CNKSR2: variants seen among roughly 807,000 people sequenced by gnomAD.
CNKSR2 encodes the protein connector enhancer of kinase suppressor of Ras 2.
A neutral mutation model predicts 84.4 loss-of-function variants in CNKSR2; 14 were observed. The ratio of observed to expected loss-of-function variants is 0.17; its 90% CI spans 0.11 to 0.26. The LOEUF is 0.26. CNKSR2 is among the 10% of genes least tolerant of loss of function. The pLI, the probability that CNKSR2 is intolerant of heterozygous loss-of-function variation, is 1.00. For missense variants in CNKSR2, 485 were observed against 771.2 expected (o/e 0.63, Z 4.40); for synonymous variants, 275 against 277.9 (o/e 0.99, Z 0.10).
At chrX:21,408,086 A>G (rs1475869041) in intron 1 of CNKSR2, among the ~76,000 whole-genome samples, 1 of 111,975 alleles carries the variant, frequency 8.9e-6, no homozygotes, top group Non-Finnish European at 1.9e-5. Context: ...TGATCCAACT[A>G]TGCATTTTAA....
Position 21,649,016 on chromosome X carries a change from A to C in CNKSR2, c.2878A>C (p.Ser960Arg), listed in dbSNP as rs1247966308. Residue 960 changes from serine to arginine, a missense_variant, in exon 21 of 22, where the codon AGC becomes CGC. This residue lies in a region of CNKSR2 where 210 missense variants were observed against 291.5 expected (regional missense o/e 0.72). Transcript: ENST00000379510. ...EKLHRLRILK[S>R]TLKAREGEVA... ...ACTACACCGGCTGAGAATTCTCAAA[A>C]GCACTTTAAAGGTAAGACAAGAAAT... The C allele has an allele frequency of 5.1e-6, 6 of 1,186,769 alleles. No homozygotes were observed. Among genetic ancestry groups the C allele is most frequent in the Non-Finnish European group, 6.8e-6 (6 of 879,724 alleles).
chrX:21,398,251 CAA>C (rs1332414820), intron 1 of CNKSR2, among the ~76,000 whole-genome samples: 1 of 111,742 alleles, frequency 8.9e-6, no homozygotes, highest in African/African-American at 3.2e-5. Flanking sequence ...AAAATGGAAA[CAA>C]ATACATTAAT....
chrX:21,579,413 A>G (rs1277924034), intron 13 of CNKSR2, among the ~76,000 whole-genome samples: 1 of 111,644 alleles, frequency 9.0e-6, no homozygotes, highest in Non-Finnish European at 1.9e-5. Context: ...ATAAATTATC[A>G]TAAATCTAGA....
chrX:21,576,825 A>G (rs188411243), intron 13 of CNKSR2, among the ~76,000 whole-genome samples: 47 of 112,080 alleles, frequency 4.2e-4, no homozygotes, highest in African/African-American at 1.5e-3. Flanking sequence ...TTACATAACT[A>G]TTAAAGAAAT....
intron 6 of CNKSR2, among the ~76,000 whole-genome samples, chrX:21,496,156 G>A (rs2091497333): frequency 1.8e-5 from 2 of 111,443 alleles, no homozygotes; most frequent in Admixed American, 9.6e-5. Flanking sequence ...GACCACCATC[G>A]TATATATAGT....
chrX:21,433,928 T>C (rs1230580670), intron 3 of CNKSR2, among the ~76,000 whole-genome samples: 2 of 111,159 alleles, frequency 1.8e-5, no homozygotes, highest in African/African-American at 6.5e-5. Flanking sequence ...TTTTGCATTA[T>C]AACATTATTA....
At chrX:21,573,241 C>T (rs1294078101) in intron 13 of CNKSR2, among the ~76,000 whole-genome samples, 2 of 112,331 alleles carry the variant, frequency 1.8e-5, no homozygotes, top group Non-Finnish European at 3.8e-5. Context: ...TTGCAGGGTA[C>T]AGCCCCCCTC....
chrX:21,521,174 CA>C (rs1205654431), intron 9 of CNKSR2, among the ~76,000 whole-genome samples: 2 of 109,641 alleles, frequency 1.8e-5, no homozygotes, highest in Admixed American at 9.7e-5. Context: ...ACATTAGTGA[CA>C]AAAAAATTTA....
intron 11 of CNKSR2, among the ~76,000 whole-genome samples, chrX:21,533,615 A>G (rs758456680): frequency 2.6e-4 from 29 of 111,537 alleles, no homozygotes; most frequent in Non-Finnish European, 4.4e-4. Flanking sequence ...CCCTAATGCC[A>G]TCATGTGCCA....
At chrX:21,549,780 G>A (rs1292886554) in intron 11 of CNKSR2, among the ~76,000 whole-genome samples, 2 of 111,942 alleles carry the variant, frequency 1.8e-5, no homozygotes, top group Non-Finnish European at 3.8e-5. Context: ...CTACAACCAT[G>A]TGATCTTTGA....
At position 21,477,067 on chromosome X, in the gene CNKSR2, C is replaced by T. The variant is rs138224476; in HGVS notation, c.561+6260C>T. On this transcript the variant is annotated intron_variant, in intron 5 of 21. Coordinates refer to ENST00000379510, the MANE Select transcript of CNKSR2 (RefSeq NM_014927.5). ...AGTCATTTCAGAGCTTGTGCTTTAGCAGACTTCCTCTGCTTGTCCCTGCCC... is the reference window on the plus strand; with the variant it reads ...AGTCATTTCAGAGCTTGTGCTTTAGTAGACTTCCTCTGCTTGTCCCTGCCC... Among the ~76,000 whole-genome samples the T allele has an allele frequency of 6.4e-3, 718 of 111,939 alleles. 6 individuals carry two copies. The highest frequency in any genetic ancestry group is 0.014 in the Middle Eastern group (3 of 216).
intron 5 of CNKSR2, among the ~76,000 whole-genome samples, chrX:21,478,725 G>A (rs2091284789): frequency 9.0e-6 from 1 of 111,371 alleles, no homozygotes; most frequent in South Asian, 3.8e-4. Flanking sequence ...TAGCTGTAAA[G>A]AAGCTAAGTT....
intron 13 of CNKSR2, among the ~76,000 whole-genome samples, chrX:21,570,484 T>G (rs906674372): frequency 4.5e-5 from 5 of 111,980 alleles, no homozygotes; most frequent in South Asian, 3.7e-4. Context: ...TATGGCTGGT[T>G]TGATCTTCTA....
intron 4 of CNKSR2, among the ~76,000 whole-genome samples, chrX:21,469,581 A>T (rs1280382225): frequency 9.0e-6 from 1 of 111,026 alleles, no homozygotes. Flanking sequence ...ATAATAATTA[A>T]TTTTATTTTT....
Position 21,501,588 on chromosome X carries a change from G to A in CNKSR2, c.810G>A (p.Val270=). 9.0e-7 allele frequency: 1 copy of A among 1,113,846 alleles called. No homozygotes were observed. The highest frequency in any genetic ancestry group is 2.1e-5 in the South Asian group (1 of 47,665). The allele number at this position is 1,113,846 out of a possible 1,213,427, so 91.8% of individuals were successfully genotyped here. The change falls in exon 8 of 22, where the codon GTG becomes GTA. Residue 270 remains valine, a splice_region_variant and synonymous_variant. Transcript: ENST00000379510. ...DEVIQVNHQT[V]VGWQLKNLVN... ...TGATTCAAGTTAATCATCAGACTGT[G>A]GTATGTATAATTAACTTAAGAGTCA...
chrX:21,430,202 G>A (rs897145728), intron 2 of CNKSR2, among the ~76,000 whole-genome samples: 3 of 110,961 alleles, frequency 2.7e-5, no homozygotes, highest in African/African-American at 6.5e-5. Context: ...ATATTTTTAG[G>A]AGGTTTCCAA....
At chrX:21,588,087 G>A (rs1030911119) in intron 13 of CNKSR2, among the ~76,000 whole-genome samples, 15 of 111,983 alleles carry the variant, frequency 1.3e-4, no homozygotes, top group African/African-American at 4.9e-4. Context: ...TTCTGTCCAG[G>A]GAAGCCCGTT....
intron 5 of CNKSR2, among the ~76,000 whole-genome samples, chrX:21,483,205 G>T (rs1042123191): frequency 9.0e-6 from 1 of 111,385 alleles, no homozygotes; most frequent in African/African-American, 3.3e-5. Flanking sequence ...AGAAAATGTG[G>T]CATATGTACA....
chrX:21,648,838 CAGA>C lies in CNKSR2; in HGVS notation c.2701_2703del (p.Arg901del). 1.2e-6 allele frequency: 1 copy of C among 832,989 alleles called. No individual in the cohort carries two copies. The highest frequency in any genetic ancestry group is 1.6e-6 in the Non-Finnish European group (1 of 631,571). 68.6% of individuals were successfully genotyped at this position (832,989 alleles called of 1,213,427 possible). A position where few individuals can be genotyped will look rare whatever the true frequency, so the allele number is the denominator to read the frequency against. ...TTTTTTTGGATGTTGCAGGTGAAAG[CAGA>C]GAAGAAAAGTTAGGAGACTCATTGC... On this transcript the variant is annotated inframe_deletion, in exon 21 of 22. Coordinates refer to ENST00000379510, the MANE Select transcript of CNKSR2 (RefSeq NM_014927.5).
Sources: gnomAD v4.1 joint callset for allele counts (sites outside exome capture counted in the v4.1 genomes callset) on GRCh38, gnomAD v4.1.1 for gene constraint, gnomAD v4.1.1 regional missense constraint, MANE v1.5 for transcripts, NCBI Gene and HGNC (gene_info 2026-07-23, HGNC 2026-07-21) for gene names.